The following ZNF804B variants were observed in gnomAD, a reference collection of about 807,000 sequenced individuals.
The protein encoded by ZNF804B is zinc finger 804B.
ZNF804B carries 80 observed loss-of-function variants against 101.4 expected under a neutral mutation model. The observed-to-expected ratio is 0.79, with a 90% CI of 0.66 to 0.95. The LOEUF is 0.95. ZNF804B is among the 40% of genes least tolerant of loss of function. The pLI is 0.00. For synonymous variants in ZNF804B, 622 were observed against 558.8 expected (o/e 1.11, Z -1.59); for missense variants, 1,673 against 1,561.9 (o/e 1.07, Z -1.20).
chr7:88,911,122 T>A (rs1382093036), intron 1 of ZNF804B, among the ~76,000 whole-genome samples: 2 of 151,990 alleles, frequency 1.3e-5, no homozygotes, highest in Admixed American at 6.6e-5. Context: ...TGAAACAATG[T>A]TAGGATAACA....
intron 1 of ZNF804B, among the ~76,000 whole-genome samples, chr7:88,966,920 C>T (rs2116102219): frequency 6.6e-6 from 1 of 151,158 alleles, no homozygotes; most frequent in Admixed American, 6.6e-5. Context: ...CAGCTTGTTG[C>T]ACTTCACAGG....
intron 1 of ZNF804B, among the ~76,000 whole-genome samples, chr7:89,047,867 G>T (rs563512416): frequency 4.6e-5 from 7 of 150,984 alleles, no homozygotes; most frequent in African/African-American, 7.3e-5. Context: ...AGCATCAGGC[G>T]ATTGGTTGAT....
At chr7:89,150,320 T>C (rs148663247) in intron 1 of ZNF804B, among the ~76,000 whole-genome samples, 182 of 152,084 alleles carry the variant, frequency 1.2e-3, no homozygotes, top group African/African-American at 3.7e-3. Context: ...TACTGTAATA[T>C]GTATTGTTGC....
intron 1 of ZNF804B, among the ~76,000 whole-genome samples, chr7:88,810,030 C>A (rs1562800007): frequency 1.3e-5 from 2 of 152,160 alleles, no homozygotes; most frequent in Non-Finnish European, 2.9e-5. Context: ...CAAACATAGC[C>A]AACAAGAAGA....
At chr7:89,280,171 C>T (rs545377061) in intron 2 of ZNF804B, among the ~76,000 whole-genome samples, 57 of 152,134 alleles carry the variant, frequency 3.7e-4, no homozygotes, top group African/African-American at 1.2e-3. Flanking sequence ...GGGTACATAA[C>T]GAAATGAAGG....
At chr7:88,850,497 C>T (rs1033898682) in intron 1 of ZNF804B, among the ~76,000 whole-genome samples, 7 of 152,004 alleles carry the variant, frequency 4.6e-5, no homozygotes, top group Non-Finnish European at 8.8e-5. Flanking sequence ...AAAGGATTAG[C>T]GGAAACATCT....
chr7:89,114,845 G>T (rs1288818561), intron 1 of ZNF804B, among the ~76,000 whole-genome samples: 2 of 152,108 alleles, frequency 1.3e-5, no homozygotes, highest in Admixed American at 6.5e-5. Context: ...ACTTCGAGAG[G>T]GTCTGAGCAC....
rs761796544 is a variant in ZNF804B at position 88,803,100 on chromosome 7, C to T, written c.108+43016C>T. Among the ~76,000 whole-genome samples the T allele has an allele frequency of 2.0e-5, 3 of 151,698 alleles. No individual in the cohort carries two copies. In the South Asian group the frequency reaches 6.2e-4, roughly 32 times the overall value. ...ATGTTTTAACTGGTAGAATTTCGGA[C>T]GGATATTTGTTTTGTATTTTCCAAT... On this transcript the variant is annotated intron_variant, in intron 1 of 3. Coordinates refer to ENST00000333190, the MANE Select transcript of ZNF804B (RefSeq NM_181646.5).
At chr7:89,080,061 A>G (rs1789673155) in intron 1 of ZNF804B, among the ~76,000 whole-genome samples, 1 of 151,864 alleles carries the variant, frequency 6.6e-6, no homozygotes, top group South Asian at 2.1e-4. Context: ...TAGAATGAAA[A>G]TAGAGTGAAG....
chr7:88,840,847 A>C (rs976058373), intron 1 of ZNF804B, among the ~76,000 whole-genome samples: 3 of 152,180 alleles, frequency 2.0e-5, no homozygotes, highest in African/African-American at 7.2e-5. Context: ...TCTATAAACA[A>C]AATTGACTGA....
At chr7:89,103,067 T>TGTTTTG (rs1562885470) in intron 1 of ZNF804B, among the ~76,000 whole-genome samples, 1 of 139,926 alleles carries the variant, frequency 7.1e-6, no homozygotes, top group African/African-American at 2.7e-5. Flanking sequence ...TTTTTTTTTT[T>TGTTTTG]TTTTTTTTTT....
chr7:89,179,525 A>G (rs1361891962), intron 1 of ZNF804B, among the ~76,000 whole-genome samples: 2 of 152,196 alleles, frequency 1.3e-5, no homozygotes, highest in Non-Finnish European at 2.9e-5. Flanking sequence ...TTTATCTCAT[A>G]TAATTAATTC....
At chr7:89,041,167 A>T (rs530805676) in intron 1 of ZNF804B, among the ~76,000 whole-genome samples, 1 of 152,222 alleles carries the variant, frequency 6.6e-6, no homozygotes, top group African/African-American at 2.4e-5. Flanking sequence ...TCAGGCTTTA[A>T]GCCTGATTCG....
At chr7:88,947,802 G>A (rs1793159488) in intron 1 of ZNF804B, among the ~76,000 whole-genome samples, 1 of 149,852 alleles carries the variant, frequency 6.7e-6, no homozygotes, top group Non-Finnish European at 1.5e-5. Flanking sequence ...CTGGTCCCAA[G>A]CATTTCAGAT....
At chr7:88,811,739 G>A (rs114977256) in intron 1 of ZNF804B, among the ~76,000 whole-genome samples, 3,192 of 152,160 alleles carry the variant, frequency 0.021, 103 homozygotes, top group African/African-American at 0.073. Context: ...ACCAAATGCC[G>A]TATGCTCTCA....
chr7:89,192,346 G>A (rs10277089), intron 1 of ZNF804B, among the ~76,000 whole-genome samples: 16,968 of 151,634 alleles, frequency 0.11, 1,024 homozygotes, highest in African/African-American at 0.14. Context: ...CTGAAAACAA[G>A]CTAATTACCC....
At chr7:88,991,359 A>G (rs1039342472) in intron 1 of ZNF804B, among the ~76,000 whole-genome samples, 1 of 152,116 alleles carries the variant, frequency 6.6e-6, no homozygotes, top group Non-Finnish European at 1.5e-5. Flanking sequence ...GTTCCTGTGT[A>G]GTACACAACC....
In ZNF804B at chr7:88,921,828, C is replaced by A. The variant is rs185070602; in HGVS notation, c.108+161744C>A. On this transcript the variant is annotated intron_variant, in intron 1 of 3. Coordinates refer to ENST00000333190, the MANE Select transcript of ZNF804B (RefSeq NM_181646.5). Reference sequence around the variant, plus strand: ...ACATGGTATAGCAAGATGTCAGGATCTAATTTGAAGATAAATCTCTATTTT... The same window carrying A: ...ACATGGTATAGCAAGATGTCAGGATATAATTTGAAGATAAATCTCTATTTT... 1.2e-4 allele frequency among the ~76,000 whole-genome samples: 18 copies of A among 152,008 alleles called. No individual in the cohort carries two copies. In the East Asian group the frequency reaches 2.9e-3, roughly 25 times the overall value.
intron 1 of ZNF804B, among the ~76,000 whole-genome samples, chr7:89,097,921 A>G (rs1280367981): frequency 6.6e-6 from 1 of 152,136 alleles, no homozygotes; most frequent in Non-Finnish European, 1.5e-5. Context: ...TACTTTGATA[A>G]GGTTGTGCTT....
Sources: allele counts gnomAD v4.1 joint callset (sites outside exome capture counted in the v4.1 genomes callset), GRCh38; gene constraint gnomAD v4.1.1; transcripts MANE v1.5; gene names NCBI Gene and HGNC (gene_info 2026-07-23, HGNC 2026-07-21).